MEI4: variants seen among roughly 807,000 people sequenced by gnomAD.
MEI4 encodes the protein meiosis-specific protein MEI4.
MEI4 carries 27 observed loss-of-function variants against 31.4 expected under a neutral mutation model. That is an observed-to-expected ratio of 0.86 (90% confidence interval 0.63 to 1.19). MEI4 has a LOEUF of 1.19. MEI4 is among the 50% of genes most tolerant of loss of function. MEI4 has a pLI of 0.00. For synonymous variants in MEI4, 122 were observed against 145.4 expected, an observed-to-expected ratio of 0.84 and a Z score of 1.16; for missense variants, 329 against 398.9, an observed-to-expected ratio of 0.82 and a Z score of 1.49.
intron 4 of MEI4, among the ~76,000 whole-genome samples, chr6:77,890,353 T>C (rs1771729484): frequency 6.6e-6 from 1 of 152,222 alleles, no homozygotes; most frequent in African/African-American, 2.4e-5. Context: ...AAGAGATCAT[T>C]TTGAAACTTT....
intron 2 of MEI4, among the ~76,000 whole-genome samples, chr6:77,737,273 G>A (rs1447938343): frequency 1.3e-5 from 2 of 152,218 alleles, no homozygotes; most frequent in South Asian, 2.1e-4. Flanking sequence ...TTAGGCATCA[G>A]TGTTTAGAAT....
At chr6:77,838,401 T>A (rs1770274660) in intron 4 of MEI4, among the ~76,000 whole-genome samples, 1 of 152,156 alleles carries the variant, frequency 6.6e-6, no homozygotes, top group Non-Finnish European at 1.5e-5. Flanking sequence ...ACTGAGCATC[T>A]GAAGGGGATT....
chr6:77,783,615 A>G (rs551370548), intron 3 of MEI4, among the ~76,000 whole-genome samples: 1 of 148,584 alleles, frequency 6.7e-6, no homozygotes, highest in South Asian at 2.1e-4. Flanking sequence ...AAAATATAAG[A>G]TCAATTTTAG....
At chr6:77,786,495 AAAT>A (rs1247370758) in intron 3 of MEI4, among the ~76,000 whole-genome samples, 1 of 152,202 alleles carries the variant, frequency 6.6e-6, no homozygotes, top group Non-Finnish European at 1.5e-5. Context: ...ATTTTATAGT[AAAT>A]AATATTACAA....
chr6:77,850,268 A>C (rs1245560593), intron 4 of MEI4, among the ~76,000 whole-genome samples: 1 of 152,214 alleles, frequency 6.6e-6, no homozygotes, highest in Non-Finnish European at 1.5e-5. Flanking sequence ...CTTTCTTCAC[A>C]GAATTGGAAA....
intron 3 of MEI4, among the ~76,000 whole-genome samples, chr6:77,799,534 T>C (rs1769184821): frequency 6.6e-6 from 1 of 152,160 alleles, no homozygotes; most frequent in South Asian, 2.1e-4. Flanking sequence ...TTTGTTGCCA[T>C]TGCTTTTGGT....
At chr6:77,799,552 A>T (rs1443449746) in intron 3 of MEI4, among the ~76,000 whole-genome samples, 1 of 152,104 alleles carries the variant, frequency 6.6e-6, no homozygotes, top group Admixed American at 6.5e-5. Flanking sequence ...GGTGTTTTAG[A>T]CATGAAGTCA....
intron 2 of MEI4, among the ~76,000 whole-genome samples, chr6:77,742,979 T>A (rs888872552): frequency 3.9e-5 from 6 of 152,094 alleles, no homozygotes; most frequent in Non-Finnish European, 5.9e-5. Context: ...CATTGATCTA[T>A]ATCTCTGTTT....
chr6:77,913,517 G>T (rs1363520604), intron 4 of MEI4, among the ~76,000 whole-genome samples: 5 of 151,938 alleles, frequency 3.3e-5, no homozygotes, highest in Non-Finnish European at 5.9e-5. Context: ...ATTTTTGGCA[G>T]GTTGTTTGTG....
intron 4 of MEI4, among the ~76,000 whole-genome samples, chr6:77,864,721 C>A (rs1325190940): frequency 2.0e-5 from 3 of 152,176 alleles, no homozygotes; most frequent in Non-Finnish European, 4.4e-5. Context: ...CAGCTCTGCA[C>A]TAAGCAGACC....
At chr6:77,916,918 C>T (rs1408973816) in intron 4 of MEI4, among the ~76,000 whole-genome samples, 1 of 150,798 alleles carries the variant, frequency 6.6e-6, no homozygotes. Flanking sequence ...ATCCCTCCCC[C>T]CCTACCCCCA....
intron 3 of MEI4, among the ~76,000 whole-genome samples, chr6:77,793,590 A>G (rs1414619085): frequency 6.6e-6 from 1 of 152,238 alleles, no homozygotes; most frequent in Non-Finnish European, 1.5e-5. Context: ...GTAATTTGTT[A>G]ATGGATACAC....
chr6:77,804,244 A>C (rs1769365287), intron 3 of MEI4, among the ~76,000 whole-genome samples: 1 of 151,176 alleles, frequency 6.6e-6, no homozygotes, highest in African/African-American at 2.4e-5. Context: ...AATGAGCAAG[A>C]CTCTGAGCCA....
intron 4 of MEI4, among the ~76,000 whole-genome samples, chr6:77,864,579 A>C (rs2127722554): frequency 6.6e-6 from 1 of 152,358 alleles, no homozygotes; most frequent in Non-Finnish European, 1.5e-5. Flanking sequence ...AGATGCATAA[A>C]GCAAGTCCTT....
chr6:77,733,177 G>C (rs1281868975), intron 2 of MEI4, among the ~76,000 whole-genome samples: 2 of 151,902 alleles, frequency 1.3e-5, no homozygotes, highest in Non-Finnish European at 2.9e-5. Context: ...TTTTTCTATT[G>C]ATTGGAATAG....
intron 4 of MEI4, among the ~76,000 whole-genome samples, chr6:77,862,256 T>A (rs145015260): frequency 1.5e-4 from 23 of 152,122 alleles, no homozygotes; most frequent in African/African-American, 5.6e-4. Flanking sequence ...GCACTGAGCA[T>A]GAGCCGAAGC....
intron 4 of MEI4, among the ~76,000 whole-genome samples, chr6:77,846,287 A>C (rs1770484733): frequency 6.6e-6 from 1 of 152,006 alleles, no homozygotes; most frequent in African/African-American, 2.4e-5. Context: ...TCAGTTCATC[A>C]CATTCCATTT....
chr6:77,709,903 G>A (rs567328737), intron 2 of MEI4, among the ~76,000 whole-genome samples: 1 of 152,264 alleles, frequency 6.6e-6, no homozygotes, highest in South Asian at 2.1e-4. Context: ...GAACCACAAT[G>A]CATCTTCTCC....
chr6:77,809,802 A>G (rs1482790595), intron 3 of MEI4, among the ~76,000 whole-genome samples: 2 of 152,184 alleles, frequency 1.3e-5, no homozygotes, highest in African/African-American at 2.4e-5. Flanking sequence ...ATGTGAAGTT[A>G]TCAGATGAAA....
Sources: allele counts gnomAD v4.1 joint callset (sites outside exome capture counted in the v4.1 genomes callset), GRCh38; gene constraint gnomAD v4.1.1; transcripts MANE v1.5; gene names NCBI Gene and HGNC (gene_info 2026-07-23, HGNC 2026-07-21).